The following LPA variants were observed in gnomAD, a reference collection of about 807,000 sequenced individuals.
LPA encodes lipoprotein(a), also known as apolipoprotein(a).
LPA carries 199 observed loss-of-function variants against 197.9 expected under a neutral mutation model. That is an observed-to-expected ratio of 1.01 (90% CI 0.90 to 1.13). The LOEUF (loss-of-function observed/expected upper bound fraction) is 1.13. Ranked by LOEUF, LPA falls within the 50% of genes most tolerant of loss-of-function variation. LPA has a pLI of 0.00. For synonymous variants in LPA, 715 were observed against 639.5 expected, an observed-to-expected ratio of 1.12 and a Z score of -1.78; for missense variants, 1,853 against 1,785.8, an observed-to-expected ratio of 1.04 and a Z score of -0.68.
Position 160,589,542 on chromosome 6 carries a change from C to T in LPA, c.3947+11G>A. 1 of 1,613,042 alleles carries T rather than the reference C, an allele frequency of 6.2e-7. No individual in the cohort carries two copies. The highest frequency in any genetic ancestry group is 2.2e-5 in the East Asian group (1 of 44,840). ...TGGCTGTTTCTCTTGGGAGAAAACT[C>T]AAAGACATACCCATTTGGGTAGTAT... On this transcript the variant is annotated intron_variant, in intron 24 of 38. Transcript: ENST00000316300.
Position 160,664,235 on chromosome 6 carries a change from C to T in LPA, c.-21G>A, listed in dbSNP as rs1800769. ...TCCATTTTGGGACTGGCCAGCAGTG[C>T]CCAGAAAGTGTGTCCCAATCCCAGG... On this transcript the variant is annotated 5_prime_UTR_variant, in exon 1 of 39. Coordinates refer to ENST00000316300, the MANE Select transcript of LPA (RefSeq NM_005577.4). 0.21 allele frequency: 331,715 copies of T among 1,600,988 alleles called. 42,473 individuals carry two copies. Among genetic ancestry groups the T allele is most frequent in the Admixed American group, 0.47 (27,567 of 59,276 alleles).
At position 160,537,964 on chromosome 6, in the gene LPA, G is replaced by A. The variant is rs1777919674; in HGVS notation, c.5736-3C>T. ...CTTTGTCAGTGATGACGGCAGGCCT[G>A]TAAGGAAAGTATTAGCAGTTATGTT... is the stretch of plus-strand genomic sequence containing the variant. On this transcript the variant is annotated splice_region_variant and splice_polypyrimidine_tract_variant and intron_variant, in intron 36 of 38. Coordinates refer to ENST00000316300, the MANE Select transcript of LPA (RefSeq NM_005577.4). 1 of 1,613,622 alleles carries A rather than the reference G, an allele frequency of 6.2e-7. No homozygotes were observed. Among genetic ancestry groups the A allele is most frequent in the Non-Finnish European group, 8.5e-7 (1 of 1,179,520 alleles).
intron 19 of LPA, among the ~76,000 whole-genome samples, chr6:160,600,493 G>T (rs1377532342): frequency 1.3e-5 from 2 of 152,144 alleles, no homozygotes; most frequent in East Asian, 3.9e-4. Context: ...GGTTTCTCAA[G>T]GATAACAGGA....
At position 160,586,556 on chromosome 6, in the gene LPA, A is replaced by G. The variant is rs758243634; in HGVS notation, c.4022T>C (p.Val1341Ala). The G allele has an allele frequency of 1.2e-6, 2 of 1,613,652 alleles. No homozygotes were observed. Among genetic ancestry groups the G allele is most frequent in the Admixed American group, 1.7e-5 (1 of 59,966 alleles). Residue 1341 changes from valine to alanine, a missense_variant, in exon 25 of 39, where the codon GTC becomes GCC. By Grantham distance (64) the Val-to-Ala change is moderately conservative (BLOSUM62 0). Around this residue, in one of 3 missense-constraint regions of LPA, gnomAD observed 1,737 missense variants for 1,504.4 expected, o/e 1.15. Coordinates refer to ENST00000316300, the MANE Select transcript of LPA (RefSeq NM_005577.4). ...CGTCAGGTTGCAGTACTCCCATCTGACACTGGGATCCATGGTATAACACCA... is the reference window on the plus strand; with the variant it reads ...CGTCAGGTTGCAGTACTCCCATCTGGCACTGGGATCCATGGTATAACACCA... ...RPWCYTMDPS[V>A]RWEYCNLTQC...
intron 30 of LPA, among the ~76,000 whole-genome samples, chr6:160,555,353 A>G (rs1583575474): frequency 7.0e-6 from 1 of 143,480 alleles, no homozygotes; most frequent in East Asian, 2.0e-4. Flanking sequence ...TTGTATGGCT[A>G]TACAGCTTGC....
intron 16 of LPA, among the ~76,000 whole-genome samples, chr6:160,606,862 A>T (rs1034885940): frequency 1.3e-5 from 2 of 152,056 alleles, no homozygotes; most frequent in Non-Finnish European, 2.9e-5. Flanking sequence ...GATTATTATT[A>T]TAAAAAAAAA....
chr6:160,647,167 G>T (rs903332062), intron 2 of LPA, among the ~76,000 whole-genome samples: 2 of 152,130 alleles, frequency 1.3e-5, no homozygotes, highest in Admixed American at 6.6e-5. Flanking sequence ...CAGAACTGGG[G>T]GATGAGTTGA....
chr6:160,654,065 TTATATATAA>T (rs1780082074), intron 1 of LPA, among the ~76,000 whole-genome samples: 3 of 17,670 alleles, frequency 1.7e-4, no homozygotes, highest in African/African-American at 8.2e-4. Flanking sequence ...ATTATATATA[TTATATATAA>T]TATATATTAT....
At chr6:160,602,315 T>C (rs1779259680) in intron 18 of LPA, among the ~76,000 whole-genome samples, 1 of 152,224 alleles carries the variant, frequency 6.6e-6, no homozygotes, top group South Asian at 2.1e-4. Context: ...CTTTAGGATT[T>C]ACAATATCCC....
rs1383842418 is a variant in LPA, at chr6:160,531,862, A to G, written c.5990T>C (p.Phe1997Ser). Reference protein sequence around the residue: ...QGDSGGPLVCFEKDKYILQGV... With the variant: ...QGDSGGPLVCSEKDKYILQGV... ...TTGTAAAATGTATTTGTCCTTCTCGAAGCAAACCAGAGGCCCTCCACTGTC... is the reference window on the plus strand; with the variant it reads ...TTGTAAAATGTATTTGTCCTTCTCGGAGCAAACCAGAGGCCCTCCACTGTC... The change falls in exon 39 of 39, where the codon TTC (phenylalanine) becomes TCC (serine). Residue 1997 changes from phenylalanine (F) to serine (S), a missense_variant. Physicochemically the swap from Phe to Ser is radical, Grantham distance 155 (BLOSUM62 -2). Transcript: ENST00000316300. 6.2e-7 allele frequency: 1 copy of G among 1,613,960 alleles called. No individual in the cohort carries two copies. The highest frequency in any genetic ancestry group is 1.3e-5 in the African/African-American group (1 of 74,882).
chr6:160,647,825 C>A (rs1779928041), intron 2 of LPA, among the ~76,000 whole-genome samples: 2 of 152,200 alleles, frequency 1.3e-5, no homozygotes, highest in South Asian at 4.1e-4. Context: ...CATTTTGCTT[C>A]AACTCGTCAA....
At chr6:160,663,447 A>G (rs1780258618) in intron 1 of LPA, among the ~76,000 whole-genome samples, 1 of 152,216 alleles carries the variant, frequency 6.6e-6, no homozygotes, top group Non-Finnish European at 1.5e-5. Context: ...GGGGATGACT[A>G]TGCTACCCTA....
intron 34 of LPA, among the ~76,000 whole-genome samples, chr6:160,541,466 A>G (rs1777980788): frequency 6.6e-6 from 1 of 152,206 alleles, no homozygotes; most frequent in Admixed American, 6.5e-5. Flanking sequence ...GAAGCTCTAT[A>G]GCTGTGGCTT....
At chr6:160,592,501 C>A (rs2115045719) in intron 22 of LPA, among the ~76,000 whole-genome samples, 1 of 152,248 alleles carries the variant, frequency 6.6e-6, no homozygotes, top group East Asian at 1.9e-4. Flanking sequence ...AATGTTCTTG[C>A]CAATGCCATA....
chr6:160,656,310 G>T (rs2092931), intron 1 of LPA, among the ~76,000 whole-genome samples: 91,074 of 151,978 alleles, frequency 0.6, 27,609 homozygotes, highest in Middle Eastern at 0.68. Flanking sequence ...AATGGCTTCT[G>T]TTTGGCCTTT....
At chr6:160,594,767 G>A (rs548653271) in intron 21 of LPA, among the ~76,000 whole-genome samples, 23 of 152,288 alleles carry the variant, frequency 1.5e-4, no homozygotes, top group African/African-American at 5.3e-4. Context: ...AGAAGGAGGG[G>A]CAAGAACACT....
At chr6:160,646,900 C>G (rs145524042) in intron 2 of LPA, among the ~76,000 whole-genome samples, 16 of 151,776 alleles carry the variant, frequency 1.1e-4, no homozygotes, top group African/African-American at 3.6e-4. Context: ...GATAACCTTT[C>G]CAGGTCAACT....
chr6:160,537,814 T>A, intron 37 of LPA, 41 bp downstream of exon 37: 2 of 1,574,094 alleles, frequency 1.3e-6, no homozygotes, highest in East Asian at 4.5e-5. Context: ...GCACTGAAGG[T>A]CAAAAACAAT....
chr6:160,590,012 T>C (rs1778995124), intron 23 of LPA, among the ~76,000 whole-genome samples: 2 of 152,214 alleles, frequency 1.3e-5, no homozygotes, highest in Non-Finnish European at 2.9e-5. Context: ...TTTTGGGTGT[T>C]CCTGAGAACA....
Sources: gnomAD v4.1 joint callset for allele counts (sites outside exome capture counted in the v4.1 genomes callset) on GRCh38, gnomAD v4.1.1 for gene constraint, gnomAD v4.1.1 regional missense constraint, MANE v1.5 for transcripts, NCBI Gene and HGNC (gene_info 2026-07-23, HGNC 2026-07-21) for gene names.